The following PRKG1 variants were observed in gnomAD, a reference collection of about 807,000 sequenced individuals.
PRKG1 encodes the protein protein kinase cGMP-dependent 1.
In PRKG1, 35 loss-of-function variants were observed where a neutral mutation model predicts 88.1. That is an observed-to-expected ratio of 0.40 (90% CI 0.30 to 0.53). PRKG1 has a LOEUF of 0.53. PRKG1 is among the 20% of genes least tolerant of loss of function. PRKG1 has a pLI of 0.59. For synonymous variants in PRKG1, 303 were observed against 292.5 expected, an observed-to-expected ratio of 1.04 and a Z score of -0.37; for missense variants, 540 against 839.8, an observed-to-expected ratio of 0.64 and a Z score of 4.41.
chr10:52,028,606 T>C (rs1350424253), intron 5 of PRKG1, among the ~76,000 whole-genome samples: 1 of 152,246 alleles, frequency 6.6e-6, no homozygotes, highest in Non-Finnish European at 1.5e-5. Context: ...GCTTGTAACC[T>C]CATGCTGGTG....
At chr10:51,822,032 C>T (rs931247577) in intron 4 of PRKG1, among the ~76,000 whole-genome samples, 1 of 151,884 alleles carries the variant, frequency 6.6e-6, no homozygotes, top group African/African-American at 2.4e-5. Flanking sequence ...TCACAATAGA[C>T]AGGGCATGGA....
chr10:51,662,893 A>G (rs891630899), intron 3 of PRKG1, among the ~76,000 whole-genome samples: 1 of 151,990 alleles, frequency 6.6e-6, no homozygotes, highest in Non-Finnish European at 1.5e-5. Flanking sequence ...GTAAGTGTGG[A>G]GTGTATTGGG....
intron 1 of PRKG1, among the ~76,000 whole-genome samples, chr10:51,085,300 TAGA>T (rs2131855832): frequency 6.6e-6 from 1 of 152,306 alleles, no homozygotes; most frequent in East Asian, 1.9e-4. Context: ...AGCCTTAGAT[TAGA>T]TTTGTGCTGG....
At chr10:51,319,940 TC>T (rs1035659678) in intron 2 of PRKG1, 2 of 212,072 alleles carry the variant, frequency 9.4e-6, no homozygotes, top group African/African-American at 4.6e-5. Context: ...TGGCACATTT[TC>T]CTTATCCCAT....
intron 6 of PRKG1, among the ~76,000 whole-genome samples, chr10:52,059,885 A>G (rs1205244788): frequency 1.3e-5 from 2 of 151,982 alleles, no homozygotes; most frequent in East Asian, 3.8e-4. Flanking sequence ...AAAATCAAGT[A>G]TCTAGGCATA....
chr10:51,391,677 G>A (rs1230795621), intron 2 of PRKG1, among the ~76,000 whole-genome samples: 8 of 152,190 alleles, frequency 5.3e-5, no homozygotes, highest in Admixed American at 2.0e-4. Flanking sequence ...ACTTTGTTCC[G>A]TTGTTTTCCT....
At chr10:51,066,161 A>G (rs571103705) in intron 1 of PRKG1, among the ~76,000 whole-genome samples, 6 of 152,120 alleles carry the variant, frequency 3.9e-5, no homozygotes, top group Non-Finnish European at 8.8e-5. Flanking sequence ...TTAAAGAACT[A>G]AAGGATCACT....
At chr10:51,094,464 G>T (rs1234763291) in intron 1 of PRKG1, among the ~76,000 whole-genome samples, 1 of 152,004 alleles carries the variant, frequency 6.6e-6, no homozygotes, top group Non-Finnish European at 1.5e-5. Context: ...TAAAATACAT[G>T]CTAAACAATT....
intron 1 of PRKG1, among the ~76,000 whole-genome samples, chr10:51,081,980 T>A (rs192895886): frequency 5.9e-5 from 9 of 152,284 alleles, no homozygotes; most frequent in Admixed American, 5.9e-4. Flanking sequence ...GTCTTGAACT[T>A]CTGGCCTCAA....
At chr10:51,033,122 T>C (rs1843307261) in intron 1 of PRKG1, among the ~76,000 whole-genome samples, 1 of 152,150 alleles carries the variant, frequency 6.6e-6, no homozygotes, top group Non-Finnish European at 1.5e-5. Context: ...TATATTCCCT[T>C]ATCTCCAGAC....
At chr10:52,161,745 A>T in intron 8 of PRKG1, 144 bp from the exon 9 acceptor site, 1 of 687,074 alleles carries the variant, frequency 1.5e-6, no homozygotes, top group Non-Finnish European at 2.5e-6. Flanking sequence ...AATGTCTGAC[A>T]TGCTTCTTAT....
At chr10:51,066,292 G>A (rs1843748758) in intron 1 of PRKG1, among the ~76,000 whole-genome samples, 3 of 152,158 alleles carry the variant, frequency 2.0e-5, no homozygotes, top group Non-Finnish European at 4.4e-5. Flanking sequence ...TAATTTTAAA[G>A]GGAGGAAATT....
At chr10:51,669,002 G>A (rs1166214725) in intron 3 of PRKG1, among the ~76,000 whole-genome samples, 1 of 152,052 alleles carries the variant, frequency 6.6e-6, no homozygotes, top group African/African-American at 2.4e-5. Flanking sequence ...TAATGTATAT[G>A]TATATATATT....
At chr10:50,993,952 T>C (rs1389785632) in intron 1 of PRKG1, among the ~76,000 whole-genome samples, 1 of 152,214 alleles carries the variant, frequency 6.6e-6, no homozygotes. Context: ...GGTAGGAACA[T>C]TCATCATGAG....
chr10:51,345,631 G>T (rs138788307), intron 2 of PRKG1, among the ~76,000 whole-genome samples: 3 of 152,092 alleles, frequency 2.0e-5, no homozygotes, highest in Non-Finnish European at 2.9e-5. Context: ...ATCTCATTTG[G>T]AACAAGCAAA....
At chr10:51,229,665 A>C (rs1838783112) in intron 2 of PRKG1, among the ~76,000 whole-genome samples, 1 of 152,174 alleles carries the variant, frequency 6.6e-6, no homozygotes, top group Admixed American at 6.5e-5. Flanking sequence ...GTGGTGGCTC[A>C]TGCCTACAAT....
At chr10:51,989,624 A>G (rs1844251697) in intron 5 of PRKG1, among the ~76,000 whole-genome samples, 1 of 151,996 alleles carries the variant, frequency 6.6e-6, no homozygotes, top group Non-Finnish European at 1.5e-5. Context: ...TATGAAGAGA[A>G]TATTTCCTCT....
intron 9 of PRKG1, among the ~76,000 whole-genome samples, chr10:52,166,739 A>T (rs1171178608): frequency 6.8e-6 from 1 of 147,026 alleles, no homozygotes; most frequent in Non-Finnish European, 1.5e-5. Flanking sequence ...TAATTGCTGA[A>T]TACTCAGCAG....
At chr10:51,690,079 A>C (rs1336043529) in intron 3 of PRKG1, among the ~76,000 whole-genome samples, 1 of 152,164 alleles carries the variant, frequency 6.6e-6, no homozygotes, top group African/African-American at 2.4e-5. Context: ...GGAACTTAGA[A>C]TCATGACAAA....
Sources: gnomAD v4.1 joint callset for allele counts (sites outside exome capture counted in the v4.1 genomes callset) on GRCh38, gnomAD v4.1.1 for gene constraint, MANE v1.5 for transcripts, NCBI Gene and HGNC (gene_info 2026-07-23, HGNC 2026-07-21) for gene names.